The following PDE4B variants were observed in gnomAD, a reference collection of about 807,000 sequenced individuals.
PDE4B encodes the protein phosphodiesterase 4B.
PDE4B carries 20 observed loss-of-function variants against 82.2 expected under a neutral mutation model. That is an observed-to-expected ratio of 0.24 (90% CI 0.17 to 0.35). The LOEUF is 0.35. PDE4B is among the 10% of genes least tolerant of loss of function. PDE4B has a pLI of 1.00. For synonymous variants in PDE4B, 320 were observed against 318.9 expected, an observed-to-expected ratio of 1.00 and a Z score of -0.04; for missense variants, 655 against 907.2, an observed-to-expected ratio of 0.72 and a Z score of 3.57.
intron 3 of PDE4B, among the ~76,000 whole-genome samples, chr1:66,236,584 A>G (rs900675294): frequency 2.0e-5 from 3 of 152,110 alleles, no homozygotes; most frequent in Non-Finnish European, 2.9e-5. Context: ...AAATCTTTTT[A>G]CTAGTTATTT....
chr1:66,322,154 C>G (rs569915169), intron 7 of PDE4B, among the ~76,000 whole-genome samples: 2 of 152,020 alleles, frequency 1.3e-5, no homozygotes, highest in Non-Finnish European at 2.9e-5. Flanking sequence ...TTCCTTATAC[C>G]GTATACAAAA....
At chr1:66,010,440 G>A (rs74542689) in intron 3 of PDE4B, among the ~76,000 whole-genome samples, 536 of 152,056 alleles carry the variant, frequency 3.5e-3, no homozygotes, top group Middle Eastern at 0.01. Context: ...TTTACTAGCT[G>A]TAGAATCTTA....
At chr1:65,938,044 T>C (rs911643970) in intron 3 of PDE4B, among the ~76,000 whole-genome samples, 7 of 152,080 alleles carry the variant, frequency 4.6e-5, no homozygotes, top group African/African-American at 1.7e-4. Context: ...TAATAATTGG[T>C]GTGAATAGTT....
chr1:66,121,916 C>T (rs1645717025), intron 3 of PDE4B, among the ~76,000 whole-genome samples: 1 of 152,146 alleles, frequency 6.6e-6, no homozygotes, highest in Admixed American at 6.6e-5. Flanking sequence ...TTTTCACCCT[C>T]TCAACTTTCT....
At chr1:66,002,335 A>G (rs1192284920) in intron 3 of PDE4B, among the ~76,000 whole-genome samples, 1 of 152,158 alleles carries the variant, frequency 6.6e-6, no homozygotes, top group Non-Finnish European at 1.5e-5. Context: ...CTTTGCAAAT[A>G]TTTTAATTTT....
intron 1 of PDE4B, among the ~76,000 whole-genome samples, chr1:65,900,920 T>A (rs968003623): frequency 2.0e-5 from 3 of 151,958 alleles, no homozygotes; most frequent in African/African-American, 7.2e-5. Flanking sequence ...AATTTGACTT[T>A]TTTTCCTATT....
chr1:66,346,083 G>A (rs950569986), intron 8 of PDE4B, among the ~76,000 whole-genome samples: 1 of 152,132 alleles, frequency 6.6e-6, no homozygotes, highest in Non-Finnish European at 1.5e-5. Flanking sequence ...ACTCTCTGGG[G>A]AGCCTATTTA....
intron 3 of PDE4B, among the ~76,000 whole-genome samples, chr1:66,057,124 TAG>T (rs1227759824): frequency 6.6e-6 from 1 of 152,222 alleles, no homozygotes; most frequent in Non-Finnish European, 1.5e-5. Context: ...AATTTATTTA[TAG>T]GAGTCCCCAG....
chr1:66,366,873 G>C (rs1373292107), intron 13 of PDE4B, among the ~76,000 whole-genome samples: 1 of 152,202 alleles, frequency 6.6e-6, no homozygotes, highest in Non-Finnish European at 1.5e-5. Flanking sequence ...TTGTAACTAA[G>C]AGCACACTGT....
chr1:66,141,778 C>T (rs1002101626), intron 3 of PDE4B, among the ~76,000 whole-genome samples: 3 of 152,094 alleles, frequency 2.0e-5, no homozygotes, highest in African/African-American at 7.2e-5. Context: ...AGGCTTCCCT[C>T]CCAGGTCGGT....
chr1:66,300,106 G>A (rs558536570), intron 7 of PDE4B, among the ~76,000 whole-genome samples: 47 of 152,298 alleles, frequency 3.1e-4, no homozygotes, highest in African/African-American at 1.1e-3. Context: ...CTTCAGCCAT[G>A]TGAAAAGACT....
chr1:65,867,117 T>C (rs116049655), intron 1 of PDE4B, among the ~76,000 whole-genome samples: 8 of 152,292 alleles, frequency 5.3e-5, no homozygotes, highest in Non-Finnish European at 7.4e-5. Context: ...TTATTGAAGC[T>C]GGATTATTGA....
intron 1 of PDE4B, among the ~76,000 whole-genome samples, chr1:65,899,166 A>G (rs1482385719): frequency 2.0e-5 from 3 of 152,136 alleles, no homozygotes; most frequent in Non-Finnish European, 4.4e-5. Flanking sequence ...GGACATGAAG[A>G]GACAGTTCTC....
chr1:66,014,167 A>C (rs1480239883), intron 3 of PDE4B, among the ~76,000 whole-genome samples: 1 of 152,062 alleles, frequency 6.6e-6, no homozygotes, highest in Non-Finnish European at 1.5e-5. Flanking sequence ...GAGTTGTAGG[A>C]ATTCTTTATA....
chr1:66,193,761 G>A (rs1231591933), intron 3 of PDE4B, among the ~76,000 whole-genome samples: 1 of 152,030 alleles, frequency 6.6e-6, no homozygotes, highest in Non-Finnish European at 1.5e-5. Context: ...TTACCTACAT[G>A]GAATGCTTAT....
intron 3 of PDE4B, among the ~76,000 whole-genome samples, chr1:66,011,037 A>AT (rs1652456816): frequency 4.0e-5 from 6 of 151,628 alleles, no homozygotes; most frequent in Admixed American, 3.9e-4. Context: ...TCTTTTGTCT[A>AT]TTTTTTTCAC....
Position 66,186,497 on chromosome 1 carries a change from A to C in PDE4B, c.282-60963A>C, listed in dbSNP as rs377127600. ...GAATGTTCTTCCATTTGTTTGTATCATCTTTTATTTCATTGAGCAGTGGTT... is the reference window on the plus strand; with the variant it reads ...GAATGTTCTTCCATTTGTTTGTATCCTCTTTTATTTCATTGAGCAGTGGTT... On this transcript the variant is annotated intron_variant, in intron 3 of 16. Transcript: ENST00000341517. Among the ~76,000 whole-genome samples, 28 of 152,036 alleles carry C rather than the reference A, an allele frequency of 1.8e-4. No individual in the cohort carries two copies. The East Asian group carries it at 2.3e-3, about 13-fold the overall frequency.
intron 3 of PDE4B, among the ~76,000 whole-genome samples, chr1:66,144,011 C>T (rs1646223307): frequency 1.3e-5 from 2 of 152,208 alleles, no homozygotes; most frequent in African/African-American, 4.8e-5. Context: ...TTGCTTAAAC[C>T]ACTGTAACCA....
intron 3 of PDE4B, among the ~76,000 whole-genome samples, chr1:65,923,878 A>C (rs898659998): frequency 4.6e-5 from 7 of 151,976 alleles, no homozygotes; most frequent in African/African-American, 1.7e-4. Flanking sequence ...CTTCCTTATC[A>C]GATCTGGAAT....
Sources: gnomAD v4.1 joint callset for allele counts (sites outside exome capture counted in the v4.1 genomes callset) on GRCh38, gnomAD v4.1.1 for gene constraint, MANE v1.5 for transcripts, NCBI Gene and HGNC (gene_info 2026-07-23, HGNC 2026-07-21) for gene names.